Variants in NFU1 observed in about 807,000 individuals in gnomAD.
The protein encoded by NFU1 is NFU1 iron-sulfur cluster scaffold homolog, mitochondrial.
NFU1 carries 30 observed loss-of-function variants against 32.2 expected under a neutral mutation model. The ratio of observed to expected loss-of-function variants is 0.93; its 90% confidence interval spans 0.70 to 1.26. The LOEUF (loss-of-function observed/expected upper bound fraction) is 1.26. NFU1 is among the 50% of genes most tolerant of loss of function. NFU1 has a pLI of 0.00. For missense variants in NFU1, 306 were observed against 306.6 expected (o/e 1.00, Z 0.02); for synonymous variants, 112 against 104.6 (o/e 1.07, Z -0.43).
upstream of NFU1, among the ~76,000 whole-genome samples, chr2:69,438,851 T>C (rs1445944851): frequency 8.2e-6 from 1 of 122,460 alleles, no homozygotes; most frequent in Non-Finnish European, 1.5e-5. Flanking sequence ...CTACTAGTGA[T>C]CTTCCCCCAT....
intron 6 of NFU1, among the ~76,000 whole-genome samples, chr2:69,401,035 T>C (rs182602157): frequency 2.8e-4 from 43 of 152,330 alleles, no homozygotes; most frequent in African/African-American, 9.4e-4. Flanking sequence ...ACCTAAAATA[T>C]ACTCAGTCAC....
At chr2:69,407,777 C>G (rs1676257451) in intron 5 of NFU1, among the ~76,000 whole-genome samples, 1 of 151,672 alleles carries the variant, frequency 6.6e-6, no homozygotes, top group African/African-American at 2.4e-5. Context: ...CTTTGGGAGG[C>G]TGAGGCAGAC....
chr2:69,419,541 T>C lies in NFU1; in HGVS notation c.366A>G (p.Thr122=). The C allele has an allele frequency of 1.3e-6, 2 of 1,560,694 alleles. No homozygotes were observed. The highest frequency in any genetic ancestry group is 1.8e-6 in the Non-Finnish European group (2 of 1,133,084). Residue 122 remains threonine, a synonymous_variant, in exon 4 of 8, where the codon ACA becomes ACG. Transcript: ENST00000410022. The part of the protein sequence containing the change: ...VFFGPDFITV[T]KENEELDWNL... ...TTTTATATAATCCTATGTTTACCTTTGTGACAGTGATGAAATCTGGTCCAA... is the reference window on the plus strand; with the variant it reads ...TTTTATATAATCCTATGTTTACCTTCGTGACAGTGATGAAATCTGGTCCAA...
At chr2:69,438,912 C>G (rs546267839), upstream of NFU1, among the ~76,000 whole-genome samples, 1 of 126,838 alleles carries the variant, frequency 7.9e-6, no homozygotes, top group Non-Finnish European at 1.6e-5. Context: ...ACCCACCCCC[C>G]CACACACACC....
rs146098546 is a variant in NFU1 at position 69,412,300 on chromosome 2, C to G, written c.484+2885G>C. Among the ~76,000 whole-genome samples, 1,385 of 152,158 alleles carry G rather than the reference C, an allele frequency of 9.1e-3. 15 individuals carry two copies. The highest frequency in any genetic ancestry group is 0.034 in the Middle Eastern group (10 of 292). ...TCTTAACCTCGTGATCTGCCCACCTCAGCCTCCCAAAATGCTGGGATTACA... is the reference window on the plus strand; with the variant it reads ...TCTTAACCTCGTGATCTGCCCACCTGAGCCTCCCAAAATGCTGGGATTACA... On this transcript the variant is annotated intron_variant, in intron 5 of 7. Coordinates refer to ENST00000410022, the MANE Select transcript of NFU1 (RefSeq NM_001002755.4).
intron 6 of NFU1, 53 bp from the exon 7 acceptor site, chr2:69,400,591 TG>T (rs1375106193): frequency 3.3e-6 from 5 of 1,533,938 alleles, no homozygotes; most frequent in Non-Finnish European, 4.5e-6. Flanking sequence ...AAGTTTTCAT[TG>T]AAAAAATTTA....
intron 5 of NFU1, chr2:69,410,696 C>T (rs58058836): frequency 2.6e-5 from 4 of 152,060 alleles, no homozygotes; most frequent in Non-Finnish European, 5.9e-5. Context: ...TTTATGATAA[C>T]AAAACCTATA....
At chr2:69,404,241 C>T (rs1340271512) in intron 6 of NFU1, among the ~76,000 whole-genome samples, 3 of 150,840 alleles carry the variant, frequency 2.0e-5, no homozygotes, top group African/African-American at 4.9e-5. Context: ...CCTGTAATCC[C>T]GGCACTTTGG....
At chr2:69,432,301 G>T (rs886186048) in intron 1 of NFU1, among the ~76,000 whole-genome samples, 2 of 152,216 alleles carry the variant, frequency 1.3e-5, no homozygotes, top group African/African-American at 4.8e-5. Flanking sequence ...TGGGCTGGGT[G>T]AGGTGGCTCA....
intron 7 of NFU1, among the ~76,000 whole-genome samples, chr2:69,397,607 G>GT (rs892777740): frequency 5.5e-4 from 50 of 90,298 alleles, no homozygotes; most frequent in East Asian, 1.1e-3. Flanking sequence ...ACAAAGTAAG[G>GT]TTTTTTTTTT....
chr2:69,432,502 A>G (rs939414516), intron 1 of NFU1, among the ~76,000 whole-genome samples: 24 of 152,030 alleles, frequency 1.6e-4, no homozygotes, highest in Non-Finnish European at 3.5e-4. Flanking sequence ...TGAACCCAGG[A>G]GGCAGAGGTT....
upstream of NFU1, chr2:69,437,544 G>A: frequency 7.9e-7 from 1 of 1,267,818 alleles, no homozygotes; most frequent in Non-Finnish European, 1.1e-6. Flanking sequence ...GGGCGGTCCT[G>A]CTGCGGATAA....
intron 5 of NFU1, among the ~76,000 whole-genome samples, chr2:69,412,325 A>G (rs1207641472): frequency 1.3e-5 from 2 of 152,074 alleles, no homozygotes; most frequent in Non-Finnish European, 2.9e-5. Flanking sequence ...CTGGGATTAC[A>G]GGTGTGAGCC....
Position 69,406,018 on chromosome 2 carries a change from G to T in NFU1, c.545+4C>A. 6.3e-7 allele frequency: 1 copy of T among 1,577,296 alleles called. No individual in the cohort carries two copies. On this transcript the variant is annotated splice_donor_region_variant and intron_variant, in intron 6 of 7. Transcript: ENST00000410022. ...TGAATTCAGGTAGAGAGAGGAGCAC[G>T]TACCGTATTCTAGTATCTAACAATT...
intron 3 of NFU1, among the ~76,000 whole-genome samples, chr2:69,422,236 G>C (rs1221666246): frequency 6.6e-6 from 1 of 152,086 alleles, no homozygotes; most frequent in East Asian, 1.9e-4. Flanking sequence ...CCCTGGGGAG[G>C]ACAGAGCAAG....
At chr2:69,428,369 G>A (rs1300182236) in intron 2 of NFU1, among the ~76,000 whole-genome samples, 3 of 151,688 alleles carry the variant, frequency 2.0e-5, no homozygotes, top group Non-Finnish European at 4.4e-5. Flanking sequence ...AGGTTGCAGT[G>A]AGCCAAGATC....
At chr2:69,413,334 C>A (rs6754552) in intron 5 of NFU1, among the ~76,000 whole-genome samples, 2 of 133,250 alleles carry the variant, frequency 1.5e-5, no homozygotes, top group Admixed American at 7.3e-5. Context: ...ACCCAACATA[C>A]GGGTAAAAAA....
chr2:69,427,668 ACACT>A (rs936862922), intron 2 of NFU1, among the ~76,000 whole-genome samples: 2 of 134,860 alleles, frequency 1.5e-5, no homozygotes, highest in Admixed American at 1.5e-4. Context: ...TGACAGAGTG[ACACT>A]CAGTCTCAAA....
At chr2:69,436,983 C>A (rs1176966529) in intron 1 of NFU1, among the ~76,000 whole-genome samples, 5 of 152,244 alleles carry the variant, frequency 3.3e-5, no homozygotes, top group Non-Finnish European at 5.9e-5. Context: ...GTGTGACATT[C>A]TGATTCTGCG....
Sources: allele counts gnomAD v4.1 joint callset (sites outside exome capture counted in the v4.1 genomes callset), GRCh38; gene constraint gnomAD v4.1.1; transcripts MANE v1.5; gene names NCBI Gene and HGNC (gene_info 2026-07-23, HGNC 2026-07-21).